Variants in SF3A3 observed in about 807,000 individuals in gnomAD.
SF3A3 encodes splicing factor 3a subunit 3.
A neutral mutation model predicts 85.8 loss-of-function variants in SF3A3; 9 were observed. That is an observed-to-expected ratio of 0.10 (90% CI 0.06 to 0.18). The LOEUF (loss-of-function observed/expected upper bound fraction) is 0.18, where lower values mean the gene tolerates loss of function less well. Ranked by LOEUF, SF3A3 falls within the 10% of genes least tolerant of loss-of-function variation. SF3A3 has a pLI of 1.00. For missense variants in SF3A3, 306 were observed against 593.3 expected, an observed-to-expected ratio of 0.52 and a Z score of 5.03; for synonymous variants, 195 against 204.4, an observed-to-expected ratio of 0.95 and a Z score of 0.39.
At chr1:37,960,033 G>A in intron 16 of SF3A3, 87 bp downstream of exon 16, 2 of 988,166 alleles carry the variant, frequency 2.0e-6, no homozygotes, top group East Asian at 2.4e-5. Flanking sequence ...CAGTACACCA[G>A]GGACCATCTT....
intron 16 of SF3A3, among the ~76,000 whole-genome samples, chr1:37,959,705 G>A (rs1227161346): frequency 1.3e-5 from 2 of 152,036 alleles, no homozygotes; most frequent in Non-Finnish European, 2.9e-5. Flanking sequence ...GGCCTCCCAA[G>A]TAGCTGGGAC....
intron 15 of SF3A3, among the ~76,000 whole-genome samples, 172 bp downstream of exon 15, chr1:37,967,872 C>CA (rs539609103): frequency 2.4e-4 from 36 of 151,656 alleles, no homozygotes; most frequent in African/African-American, 7.7e-4. Flanking sequence ...CAAAACAAAA[C>CA]AAAAAAACAC....
intron 2 of SF3A3, among the ~76,000 whole-genome samples, chr1:37,989,010 A>T (rs1646475568): frequency 6.6e-6 from 1 of 151,922 alleles, no homozygotes; most frequent in Non-Finnish European, 1.5e-5. Flanking sequence ...GGCACGTGTA[A>T]GCCGGCCGCG....
intron 12 of SF3A3, among the ~76,000 whole-genome samples, chr1:37,976,155 CA>C (rs11312772): frequency 0.13 from 18,930 of 141,994 alleles, 1,189 homozygotes; most frequent in Middle Eastern, 0.25. Flanking sequence ...GACTCTGTCT[CA>C]AAAAAAAAAA....
At position 37,974,478 on chromosome 1, in the gene SF3A3, A is replaced by G. The variant is rs183014487; in HGVS notation, c.1005+2406T>C. Among the ~76,000 whole-genome samples, 8 of 151,830 alleles carry G rather than the reference A, an allele frequency of 5.3e-5. No individual in the cohort carries two copies. The East Asian group carries it at 1.5e-3, about 29-fold the overall frequency. The stretch of plus-strand genomic sequence containing the variant: ...CCACTATGCCTGGCTAATTTTTTAT[A>G]CTTTTAGTAGAGACAGGGTTTCACA... On this transcript the variant is annotated intron_variant, in intron 12 of 16. Transcript: ENST00000373019.
At chr1:37,961,619 G>A (rs549738240) in intron 15 of SF3A3, among the ~76,000 whole-genome samples, 1 of 151,200 alleles carries the variant, frequency 6.6e-6, no homozygotes, top group East Asian at 2.0e-4. Flanking sequence ...AAGTCTTCAA[G>A]CCCAGGTAAT....
intron 15 of SF3A3, among the ~76,000 whole-genome samples, chr1:37,964,705 G>A (rs2148715834): frequency 6.6e-6 from 1 of 152,318 alleles, no homozygotes; most frequent in East Asian, 1.9e-4. Flanking sequence ...TACCACTGCG[G>A]GGAAAACAGG....
At chr1:37,960,347 T>C in intron 15 of SF3A3, 172 bp from the exon 16 acceptor site, 1 of 536,618 alleles carries the variant, frequency 1.9e-6, no homozygotes, top group East Asian at 2.8e-5. Flanking sequence ...GACAAAACCC[T>C]TTCCACTGCA....
chr1:37,977,326 CT>C (rs1179196273), intron 11 of SF3A3, among the ~76,000 whole-genome samples: 13 of 152,202 alleles, frequency 8.5e-5, no homozygotes, highest in African/African-American at 3.1e-4. Flanking sequence ...CATTCCATAA[CT>C]TTTCTGAGTC....
chr1:37,979,461 A>G lies in SF3A3; in HGVS notation c.759+4T>C, dbSNP rs370025523. ...GAACACTACTACTGCTGAAGGAAAC[A>G]TACCTCCCAGGAGGAGAATGCAGAG... On this transcript the variant is annotated splice_donor_region_variant and intron_variant, in intron 9 of 16. Coordinates refer to ENST00000373019, the MANE Select transcript of SF3A3 (RefSeq NM_006802.4). The G allele has an allele frequency of 1.1e-5, 17 of 1,607,394 alleles. No homozygotes were observed. In the African/African-American group the frequency reaches 2.1e-4, roughly 20 times the overall value.
Position 37,989,472 on chromosome 1 carries a change from G to A in SF3A3, c.144+76C>T, listed in dbSNP as rs554757216. 7.9e-6 allele frequency: 12 copies of A among 1,515,802 alleles called. No individual in the cohort carries two copies. In the South Asian group the frequency reaches 1.1e-4, roughly 14 times the overall value. The allele number at this position is 1,515,802 out of a possible 1,614,324, so 93.9% of individuals were successfully genotyped here. A position where few individuals can be genotyped will look rare whatever the true frequency, so the allele number is the denominator to read the frequency against. On this transcript the variant is annotated intron_variant, in intron 2 of 16. Transcript: ENST00000373019. ...TTACCTTTGGCCAGGGACTCATGCT[G>A]AGACACCGCACTTCACTTCCCCTCT...
intron 11 of SF3A3, 37 bp from the exon 12 acceptor site, chr1:37,976,990 C>A: frequency 4.2e-6 from 6 of 1,445,434 alleles, no homozygotes; most frequent in Non-Finnish European, 5.8e-6. Context: ...CTCAAGGATT[C>A]TCTCATCCAT....
At position 37,988,891 on chromosome 1, in the gene SF3A3, A is replaced by AT. The variant is rs1205379779; in HGVS notation, c.144+656dup. On this transcript the variant is annotated intron_variant, in intron 2 of 16. Coordinates refer to ENST00000373019, the MANE Select transcript of SF3A3 (RefSeq NM_006802.4). ...TGTGTGTGTGTGTGTATATATATAT[A>AT]TATATTTTTTTTTTCATTTAAGGGA... is the stretch of plus-strand genomic sequence containing the variant. Among the ~76,000 whole-genome samples, 5 of 149,226 alleles carry AT rather than the reference A, an allele frequency of 3.4e-5. No individual in the cohort carries two copies. The East Asian group carries it at 5.9e-4, about 18-fold the overall frequency.
chr1:37,976,663 G>A (rs1342128813), intron 12 of SF3A3, among the ~76,000 whole-genome samples: 1 of 152,052 alleles, frequency 6.6e-6, no homozygotes, highest in African/African-American at 2.4e-5. Context: ...TATTCTCCAT[G>A]ACTGGCTTTA....
intron 12 of SF3A3, among the ~76,000 whole-genome samples, chr1:37,970,003 C>T (rs1339533613): frequency 6.6e-6 from 1 of 152,160 alleles, no homozygotes; most frequent in Non-Finnish European, 1.5e-5. Flanking sequence ...CTCATCTATT[C>T]TGACTCTAAA....
At chr1:37,989,304 G>C (rs1317182939) in intron 2 of SF3A3, among the ~76,000 whole-genome samples, 2 of 146,198 alleles carry the variant, frequency 1.4e-5, no homozygotes, top group African/African-American at 5.2e-5. Flanking sequence ...AAAAGAAGAA[G>C]AAGAAGAAAA....
At position 37,984,161 on chromosome 1, in the gene SF3A3, G is replaced by A. The variant is rs1646439516; in HGVS notation, c.468+8C>T. The stretch of plus-strand genomic sequence containing the variant: ...ATCAGAACCTCTCTGCCCTTTCCCA[G>A]GCCTTACCTCAGATGCCTTCAGGTT... On this transcript the variant is annotated splice_region_variant and intron_variant, in intron 6 of 16. Transcript: ENST00000373019. 1 of 1,553,168 alleles carries A rather than the reference G, an allele frequency of 6.4e-7. No homozygotes were observed. The highest frequency in any genetic ancestry group is 8.9e-7 in the Non-Finnish European group (1 of 1,127,674).
At chr1:37,988,637 G>A (rs1646471499) in intron 2 of SF3A3, among the ~76,000 whole-genome samples, 2 of 152,160 alleles carry the variant, frequency 1.3e-5, no homozygotes, top group African/African-American at 4.8e-5. Context: ...CTGCAAATCA[G>A]AAGGTCCAAG....
rs1163973092 is a variant in SF3A3, at chr1:37,958,021, T to C, written c.*165A>G. On this transcript the variant is annotated 3_prime_UTR_variant, in exon 17 of 17. Coordinates refer to ENST00000373019, the MANE Select transcript of SF3A3 (RefSeq NM_006802.4). The stretch of plus-strand genomic sequence containing the variant: ...TAAAATATAAAACAGATAAAACACA[T>C]CTCAACCCTGCAATCTGCCAGCATG... The C allele has an allele frequency of 9.9e-6, 6 of 607,224 alleles. No individual in the cohort carries two copies. Among genetic ancestry groups the C allele is most frequent in the Admixed American group, 5.8e-5 (2 of 34,198 alleles). The allele number at this position is 607,224 out of a possible 1,614,324, so 37.6% of individuals were successfully genotyped here. A position where few individuals can be genotyped will look rare whatever the true frequency, so the allele number is the denominator to read the frequency against.
Sources: gnomAD v4.1 joint callset for allele counts (sites outside exome capture counted in the v4.1 genomes callset) on GRCh38, gnomAD v4.1.1 for gene constraint, MANE v1.5 for transcripts, NCBI Gene and HGNC (gene_info 2026-07-23, HGNC 2026-07-21) for gene names.